Variants in SHOX observed in about 807,000 individuals in gnomAD.
SHOX encodes short stature homeobox protein.
Under a neutral mutation model 29.6 loss-of-function variants are expected in SHOX, and 12 were observed. That is an observed-to-expected ratio of 0.41 (90% confidence interval 0.26 to 0.66). The LOEUF (loss-of-function observed/expected upper bound fraction) is 0.66. Ranked by LOEUF, SHOX falls within the 30% of genes least tolerant of loss-of-function variation. The pLI is 0.35. For synonymous variants in SHOX, 214 were observed against 200.6 expected (o/e 1.07, Z -0.57); for missense variants, 499 against 437.7 (o/e 1.14, Z -1.25).
In SHOX at chrX:630,870, C is replaced by G; in HGVS notation, c.-28C>G. The G allele has an allele frequency of 6.2e-7, 1 of 1,612,038 alleles. No individual in the cohort carries two copies. The highest frequency in any genetic ancestry group is 2.2e-5 in the East Asian group (1 of 44,834). On this transcript the variant is annotated 5_prime_UTR_variant, in exon 1 of 5. Transcript: ENST00000686671. Reference sequence around the variant, plus strand: ...GGGAGACGCGCGCATCCACCAGCCCCGGCTGCTCGCCAGCCCCGGCCCCAG... The same window carrying G: ...GGGAGACGCGCGCATCCACCAGCCCGGGCTGCTCGCCAGCCCCGGCCCCAG...
chrX:658,954 G>T, exon 6 of SHOX: 1 of 216,882 alleles, frequency 4.6e-6, no homozygotes, highest in Non-Finnish European at 9.7e-6. Flanking sequence ...CAGTAGAGAT[G>T]GGGTTTGACC....
At chrX:644,260 C>A in intron 4 of SHOX, 131 bp from the exon 5 acceptor site, 1 of 1,221,564 alleles carries the variant, frequency 8.2e-7, no homozygotes, top group African/African-American at 1.6e-5. Context: ...GTGGGGTGGT[C>A]TCCACGGCTG....
At chrX:624,875 TTTC>T (rs1382492281) in intron 1 of SHOX, among the ~76,000 whole-genome samples, 4,833 of 37,866 alleles carry the variant, frequency 0.13, 159 homozygotes, top group African/African-American at 0.35. Flanking sequence ...TCTTTCTTTC[TTTC>T]TTTCTTTCTT....
chrX:630,578 G>C (rs764305289), upstream of SHOX: 2 of 495,942 alleles, frequency 4.0e-6, no homozygotes, highest in Non-Finnish European at 7.2e-6. Flanking sequence ...TCCAAAAATG[G>C]GATCTTTCCC....
In SHOX at chrX:651,458, C is replaced by G. The variant is rs1375987706; in HGVS notation, c.*6822C>G. On this transcript the variant is annotated 3_prime_UTR_variant, in exon 5 of 5. Coordinates refer to ENST00000686671, the MANE Select transcript of SHOX (RefSeq NM_000451.4). ...CACCCTGAGTTTCTCTGGTGACGCCCTCATTCTCCTAACGTTCAATAATCT... is the reference window on the plus strand; with the variant it reads ...CACCCTGAGTTTCTCTGGTGACGCCGTCATTCTCCTAACGTTCAATAATCT... 1 of 450,324 alleles carries G rather than the reference C, an allele frequency of 2.2e-6. No individual in the cohort carries two copies. The highest frequency in any genetic ancestry group is 2.0e-5 in the African/African-American group (1 of 49,508). The allele number at this position is 450,324 out of a possible 1,614,324, so 27.9% of individuals were successfully genotyped here.
At position 650,190 on chromosome X, in the gene SHOX, C is replaced by G. The variant is rs180703675; in HGVS notation, c.*5554C>G. Among the ~76,000 whole-genome samples the G allele has an allele frequency of 6.6e-6, 1 of 152,204 alleles. No homozygotes were observed. The highest frequency in any genetic ancestry group is 2.4e-5 in the African/African-American group (1 of 41,466). On this transcript the variant is annotated 3_prime_UTR_variant, in exon 5 of 5. Transcript: ENST00000686671. ...ATGGGACAGATTCTGTGCCTCTGTA[C>G]GATTTAGAGCGTAACTGACCGCGTC... is the stretch of plus-strand genomic sequence containing the variant.
At chrX:627,989 G>A (rs1405311703), upstream of SHOX, among the ~76,000 whole-genome samples, 2 of 148,582 alleles carry the variant, frequency 1.3e-5, no homozygotes, top group African/African-American at 2.5e-5. Flanking sequence ...AAAGTTACCC[G>A]GCCTCTGAGG....
At position 644,387 on chromosome X, in the gene SHOX, G is replaced by A. The variant is rs775165213; in HGVS notation, c.634-4G>A. The A allele has an allele frequency of 2.2e-5, 33 of 1,519,562 alleles. No individual in the cohort carries two copies. Among genetic ancestry groups the A allele is most frequent in the South Asian group, 4.9e-5 (4 of 82,076 alleles). The allele number at this position is 1,519,562 out of a possible 1,614,324, so 94.1% of individuals were successfully genotyped here. ...CCCTCACCCCGCCGGGTCCGCTCCC[G>A]CAGGTCCAGGCTCAGCTGCAGCTGG... On this transcript the variant is annotated splice_region_variant and splice_polypyrimidine_tract_variant and intron_variant, in intron 4 of 4. Coordinates refer to ENST00000686671, the MANE Select transcript of SHOX (RefSeq NM_000451.4).
chrX:630,910 A>G lies in SHOX; in HGVS notation c.13A>G (p.Thr5Ala), dbSNP rs1468114661. MEEL[T>A]AFVSKSFDQK... ...CCCGGCCCCAGCCATGGAAGAGCTC[A>G]CGGCTTTTGTATCCAAGTCTTTTGA... The change falls in exon 1 of 5, where the codon ACG becomes GCG. Residue 5 changes from threonine to alanine, a missense_variant. Coordinates refer to ENST00000686671, the MANE Select transcript of SHOX (RefSeq NM_000451.4). The G allele has an allele frequency of 2.0e-5, 33 of 1,613,358 alleles. No homozygotes were observed. Among genetic ancestry groups the G allele is most frequent in the Non-Finnish European group, 2.6e-5 (31 of 1,179,834 alleles).
In SHOX at chrX:646,635, T is replaced by A. The variant is rs2052969181; in HGVS notation, c.*1999T>A. ...CATTTGGACCCGTCTCATTTGTATC[T>A]TCTGATATTCTTTATACAAACCAAA... On this transcript the variant is annotated 3_prime_UTR_variant, in exon 5 of 5. Transcript: ENST00000686671. 1 of 152,192 alleles carries A rather than the reference T, an allele frequency of 6.6e-6. No individual in the cohort carries two copies. Among genetic ancestry groups the A allele is most frequent in the South Asian group, 2.1e-4 (1 of 4,820 alleles). The allele number at this position is 152,192 out of a possible 1,614,324, so 9.4% of individuals were successfully genotyped here. A position where few individuals can be genotyped will look rare whatever the true frequency, so the allele number is the denominator to read the frequency against.
chrX:644,622 G>T lies in SHOX; in HGVS notation c.865G>T (p.Ala289Ser). 3.3e-6 allele frequency: 5 copies of T among 1,498,744 alleles called. No homozygotes were observed. Among genetic ancestry groups the T allele is most frequent in the Non-Finnish European group, 4.4e-6 (5 of 1,131,298 alleles). 92.8% of individuals were successfully genotyped at this position (1,498,744 alleles called of 1,614,324 possible). A position where few individuals can be genotyped will look rare whatever the true frequency, so the allele number is the denominator to read the frequency against. Residue 289 changes from alanine to serine, a missense_variant, in exon 5 of 5, where the codon GCC (alanine) becomes TCC (serine). Ala to Ser is a moderately conservative substitution (Grantham distance 99). Coordinates refer to ENST00000686671, the MANE Select transcript of SHOX (RefSeq NM_000451.4). ...LRLKARKHAE[A>S]LGL Reference sequence around the variant, plus strand: ...GCTCAAGGCGCGGAAGCACGCGGAGGCCCTGGGGCTCTGACCCGCCGCGCA... The same window carrying T: ...GCTCAAGGCGCGGAAGCACGCGGAGTCCCTGGGGCTCTGACCCGCCGCGCA...
Position 634,641 on chromosome X carries a change from C to G in SHOX, c.301C>G (p.Arg101Gly). 1 of 1,613,836 alleles carries G rather than the reference C, an allele frequency of 6.2e-7. No homozygotes were observed. Among genetic ancestry groups the G allele is most frequent in the South Asian group, 1.1e-5 (1 of 91,064 alleles). ...AEGIYECKEK[R>G]EDVKSEDEDG... The stretch of plus-strand genomic sequence containing the variant: ...AGGGATTTATGAATGCAAAGAGAAG[C>G]GCGAGGACGTGAAGTCGGAGGACGA... Residue 101 changes from arginine to glycine, a missense_variant, in exon 2 of 5, where the codon CGC (arginine) becomes GGC (glycine). By Grantham distance (125) the Arg-to-Gly change is moderately radical. Transcript: ENST00000686671.
At chrX:641,207 C>T (rs2052847882) in intron 4 of SHOX, 120 bp downstream of exon 4, 3 of 989,872 alleles carry the variant, frequency 3.0e-6, no homozygotes, top group African/African-American at 3.2e-5. Context: ...GACTTCTCAG[C>T]TGGCCCTTAG....
At chrX:632,704 C>T (rs1358697773) in intron 1 of SHOX, among the ~76,000 whole-genome samples, 2 of 152,160 alleles carry the variant, frequency 1.3e-5, no homozygotes, top group African/African-American at 4.8e-5. Flanking sequence ...CGGTTTCTGA[C>T]CGTCTAAGAG....
At chrX:652,119 T>C (rs2053075636), downstream of SHOX, among the ~76,000 whole-genome samples, 1 of 151,992 alleles carries the variant, frequency 6.6e-6, no homozygotes. Context: ...GCAATGGGGT[T>C]TCACCGTGTT....
intron 1 of SHOX, 164 bp from the exon 2 acceptor site, chrX:634,454 C>T (rs1015620611): frequency 4.7e-6 from 1 of 211,712 alleles, no homozygotes; most frequent in Non-Finnish European, 8.2e-6. Context: ...GGGAAAGCAG[C>T]GAGTATCCTC....
At chrX:636,377 CAT>C (rs2052752110) in intron 2 of SHOX, among the ~76,000 whole-genome samples, 1 of 35,324 alleles carries the variant, frequency 2.8e-5, no homozygotes, top group Admixed American at 2.6e-4. Context: ...TATATACAAA[CAT>C]ATTGTATATA....
chrX:649,738 C>G lies in SHOX; in HGVS notation c.*5102C>G, dbSNP rs973788802. 6.6e-6 allele frequency among the ~76,000 whole-genome samples: 1 copy of G among 152,040 alleles called. No individual in the cohort carries two copies. Among genetic ancestry groups the G allele is most frequent in the Non-Finnish European group, 1.5e-5 (1 of 67,994 alleles). On this transcript the variant is annotated 3_prime_UTR_variant, in exon 5 of 5. Coordinates refer to ENST00000686671, the MANE Select transcript of SHOX (RefSeq NM_000451.4). ...ACACTGATAGGAACACGTTGCTGGC[C>G]GAACTGAACGATGCTGGGTTGGGTC...
rs1464211538 is a variant in SHOX at position 634,829 on chromosome X, A to G, written c.486+3A>G. 1 of 1,559,836 alleles carries G rather than the reference A, an allele frequency of 6.4e-7. No homozygotes were observed. The highest frequency in any genetic ancestry group is 1.4e-5 in the African/African-American group (1 of 73,648). ...GGCTCTCCGAGGCGCGCGTGCAGGTAGGAACCCGGGGGCGGGGGCGGGGGG... is the reference window on the plus strand; with the variant it reads ...GGCTCTCCGAGGCGCGCGTGCAGGTGGGAACCCGGGGGCGGGGGCGGGGGG... On this transcript the variant is annotated splice_donor_region_variant and intron_variant, in intron 2 of 4. Transcript: ENST00000686671.
Sources: gnomAD v4.1 joint callset for allele counts (sites outside exome capture counted in the v4.1 genomes callset) on GRCh38, gnomAD v4.1.1 for gene constraint, MANE v1.5 for transcripts, NCBI Gene and HGNC (gene_info 2026-07-23, HGNC 2026-07-21) for gene names.